Variants in IPO7 observed in about 807,000 individuals in gnomAD.
IPO7 encodes the protein importin 7, also known as importin-7.
IPO7 carries 13 observed loss-of-function variants against 136.4 expected under a neutral mutation model. The observed-to-expected ratio is 0.10, with a 90% CI of 0.06 to 0.15. The LOEUF is 0.15. Among genes scored for constraint, IPO7 ranks in the 10% least tolerant of loss-of-function variants. IPO7 has a pLI of 1.00. For missense variants in IPO7, 857 were observed against 1,240.6 expected (o/e 0.69, Z 4.65); for synonymous variants, 403 against 404.4 (o/e 1.00, Z 0.04).
intron 3 of IPO7, among the ~76,000 whole-genome samples, chr11:9,409,589 A>G (rs1357541393): frequency 6.6e-6 from 1 of 152,128 alleles, no homozygotes; most frequent in Non-Finnish European, 1.5e-5. Flanking sequence ...CATGTTGGCC[A>G]GGATGGTCTT....
chr11:9,438,274 A>G lies in IPO7; in HGVS notation c.2684A>G (p.Asp895Gly). The G allele has an allele frequency of 1.3e-6, 2 of 1,540,316 alleles. No homozygotes were observed. Among genetic ancestry groups the G allele is most frequent in the Non-Finnish European group, 9.0e-7 (1 of 1,115,362 alleles). Residue 895 changes from aspartate (D) to glycine (G), a missense_variant, in exon 22 of 25, where the codon GAT becomes GGT. Asp to Gly is a moderately conservative substitution (Grantham distance 94). Around this residue, in one of 11 missense-constraint regions of IPO7, gnomAD observed 119 missense variants for 155.5 expected, o/e 0.77. Coordinates refer to ENST00000379719, the MANE Select transcript of IPO7 (RefSeq NM_006391.3). Reference sequence around the variant, plus strand: ...GATGATGATGATGAAGCTGAAGATGATGATGAAACCGGTAAGGGATTTTCA... The same window carrying G: ...GATGATGATGATGAAGCTGAAGATGGTGATGAAACCGGTAAGGGATTTTCA... ...DSDDDDEAED[D>G]DETEELGSDE...
intron 16 of IPO7, 114 bp from the exon 17 acceptor site, chr11:9,433,456 A>AT (rs376822186): frequency 1.0e-5 from 7 of 675,126 alleles, no homozygotes; most frequent in Non-Finnish European, 1.3e-5. Context: ...ACAAAGACTT[A>AT]TTTTTTTCAC....
intron 4 of IPO7, among the ~76,000 whole-genome samples, chr11:9,410,975 C>G (rs1232685191): frequency 6.6e-6 from 1 of 152,152 alleles, no homozygotes; most frequent in African/African-American, 2.4e-5. Flanking sequence ...TGCTTTTATT[C>G]TCTGAGCAGG....
At chr11:9,419,559 A>AAAAAAAAAATATATATAT (rs1256216265) in intron 6 of IPO7, among the ~76,000 whole-genome samples, 1 of 116,848 alleles carries the variant, frequency 8.6e-6, no homozygotes. Flanking sequence ...AAAAAAAAAA[A>AAAAAAAAAATATATATAT]ATATATATAT....
chr11:9,414,490 G>A (rs1272379178), intron 5 of IPO7, 79 bp downstream of exon 5: 8 of 926,190 alleles, frequency 8.6e-6, no homozygotes, highest in Non-Finnish European at 1.3e-5. Flanking sequence ...AAGAATTTCA[G>A]CATTTGAATA....
intron 1 of IPO7, chr11:9,392,168 A>ATTTTT: frequency 5.9e-6 from 2 of 339,854 alleles, no homozygotes; most frequent in South Asian, 2.2e-5. Flanking sequence ...CCTTTGTCAA[A>ATTTTT]TTCTTTTTTT....
At position 9,414,370 on chromosome 11, in the gene IPO7, A is replaced by T; in HGVS notation, c.595A>T (p.Ile199Phe). The change falls in exon 5 of 25, where the codon ATC (isoleucine) becomes TTC (phenylalanine). Residue 199 changes from isoleucine to phenylalanine, a missense_variant. Coordinates refer to ENST00000379719, the MANE Select transcript of IPO7 (RefSeq NM_006391.3). ...LSDQSDQSVLIQKQIFKIFYA... is the reference protein window; with the variant it reads ...LSDQSDQSVLFQKQIFKIFYA... ...TGACCAGTCTGATCAGTCTGTCCTCATCCAGAAACAGATATTCAAGATCTT... is the reference window on the plus strand; with the variant it reads ...TGACCAGTCTGATCAGTCTGTCCTCTTCCAGAAACAGATATTCAAGATCTT... 1 of 1,610,738 alleles carries T rather than the reference A, an allele frequency of 6.2e-7. No homozygotes were observed. The highest frequency in any genetic ancestry group is 8.5e-7 in the Non-Finnish European group (1 of 1,178,242).
chr11:9,415,331 AAAAG>A (rs769880535), intron 5 of IPO7, among the ~76,000 whole-genome samples: 1 of 151,768 alleles, frequency 6.6e-6, no homozygotes, highest in Non-Finnish European at 1.5e-5. Flanking sequence ...TCAAAAAAAA[AAAAG>A]AATTAGTGAA....
intron 3 of IPO7, 64 bp downstream of exon 3, chr11:9,408,703 GGTTTTT>G: frequency 4.9e-6 from 2 of 411,318 alleles, no homozygotes; most frequent in Non-Finnish European, 7.0e-6. Context: ...TTTGTTTTTT[GGTTTTT>G]TTTTTTTTTT....
At chr11:9,442,003 T>G (rs1417250498) in intron 23 of IPO7, 78 bp from the exon 24 acceptor site, 6 of 654,946 alleles carry the variant, frequency 9.2e-6, no homozygotes, top group African/African-American at 1.8e-5. Context: ...CGGGATGGAG[T>G]AGGAGGAATA....
intron 8 of IPO7, 36 bp downstream of exon 8, chr11:9,420,734 G>T: frequency 7.3e-7 from 1 of 1,372,130 alleles, no homozygotes; most frequent in Non-Finnish European, 1.0e-6. Flanking sequence ...GTGGAAACAT[G>T]GCATCTTTAA....
chr11:9,408,848 G>C (rs1397817553), intron 3 of IPO7, among the ~76,000 whole-genome samples: 1 of 151,192 alleles, frequency 6.6e-6, no homozygotes, highest in African/African-American at 2.4e-5. Context: ...CGAGTAGCTG[G>C]GATTACAGGC....
In IPO7 at chr11:9,429,801, T is replaced by G. The variant is rs945032806; in HGVS notation, c.1719T>G (p.Val573=). The change falls in exon 15 of 25, where the codon GTT becomes GTG. Residue 573 remains valine, a synonymous_variant. Coordinates refer to ENST00000379719, the MANE Select transcript of IPO7 (RefSeq NM_006391.3). ...TGATCTGTGAATATAGTGAAGAAGT[T>G]ACTCCTATTGCAGTAGAAATGACAC... ...QKMICEYSEE[V]TPIAVEMTQH... 1 of 1,600,120 alleles carries G rather than the reference T, an allele frequency of 6.2e-7. No individual in the cohort carries two copies.
chr11:9,444,101 AC>A, intron 24 of IPO7, among the ~76,000 whole-genome samples: 1 of 150,894 alleles, frequency 6.6e-6, no homozygotes, highest in Middle Eastern at 3.6e-3. Flanking sequence ...ATACAGTGAA[AC>A]CCTGTCTTTA....
At chr11:9,428,862 T>C in intron 13 of IPO7, 169 bp from the exon 14 acceptor site, 1 of 796,388 alleles carries the variant, frequency 1.3e-6, no homozygotes, top group Non-Finnish European at 2.3e-6. Context: ...ACAAACATCA[T>C]GCGGCCAAAG....
intron 8 of IPO7, among the ~76,000 whole-genome samples, chr11:9,422,021 T>G (rs1855139435): frequency 6.6e-6 from 1 of 152,214 alleles, no homozygotes; most frequent in Non-Finnish European, 1.5e-5. Flanking sequence ...GGCTCACGCC[T>G]ATAATCCCAG....
chr11:9,429,713 A>C lies in IPO7; in HGVS notation c.1631A>C (p.Gln544Pro). The C allele has an allele frequency of 6.2e-7, 1 of 1,608,900 alleles. No homozygotes were observed. The highest frequency in any genetic ancestry group is 8.5e-7 in the Non-Finnish European group (1 of 1,178,178). ...ACACCATTCATCAGACCTGTAATGC[A>C]GGCTCTTCTTCACATTATAAGAGAA... is the stretch of plus-strand genomic sequence containing the variant. ...YITPFIRPVM[Q>P]ALLHIIRETE... The change falls in exon 15 of 25, where the codon CAG becomes CCG. Residue 544 changes from glutamine to proline, a missense_variant. Coordinates refer to ENST00000379719, the MANE Select transcript of IPO7 (RefSeq NM_006391.3).
At chr11:9,394,242 G>A (rs759161352) in intron 1 of IPO7, among the ~76,000 whole-genome samples, 1 of 152,166 alleles carries the variant, frequency 6.6e-6, no homozygotes, top group Non-Finnish European at 1.5e-5. Context: ...TCTGATTACA[G>A]TGTTAGTGAG....
chr11:9,429,313 A>G, intron 14 of IPO7, 117 bp downstream of exon 14: 1 of 855,842 alleles, frequency 1.2e-6, no homozygotes, highest in Non-Finnish European at 1.8e-6. Context: ...CCAGGTGTTC[A>G]AGACCAGCCT....
Sources: allele counts gnomAD v4.1 joint callset (sites outside exome capture counted in the v4.1 genomes callset), GRCh38; gene constraint gnomAD v4.1.1; regional missense constraint gnomAD v4.1.1; transcripts MANE v1.5; gene names NCBI Gene and HGNC (gene_info 2026-07-23, HGNC 2026-07-21).